Variants in DENND6A observed in about 807,000 individuals in gnomAD.
The protein encoded by DENND6A is DENN domain containing 6A.
DENND6A carries 43 observed loss-of-function variants against 95.5 expected under a neutral mutation model. That is an observed-to-expected ratio of 0.45 (90% CI 0.35 to 0.58). DENND6A has a LOEUF of 0.58. Ranked by LOEUF, DENND6A falls within the 20% of genes least tolerant of loss-of-function variation. The pLI, the probability that DENND6A is intolerant of heterozygous loss-of-function variation, is 0.00. For synonymous variants in DENND6A, 257 were observed against 260.4 expected, an observed-to-expected ratio of 0.99 and a Z score of 0.13; for missense variants, 574 against 736.0, an observed-to-expected ratio of 0.78 and a Z score of 2.55.
chr3:57,648,283 T>C (rs1014442735), intron 9 of DENND6A, among the ~76,000 whole-genome samples: 4 of 151,960 alleles, frequency 2.6e-5, no homozygotes, highest in African/African-American at 9.7e-5. Flanking sequence ...CTAAGGAATA[T>C]ACTTACTCAA....
intron 5 of DENND6A, 149 bp downstream of exon 5, chr3:57,663,487 A>AAT (rs1553742674): frequency 0.022 from 2,048 of 91,846 alleles, 119 homozygotes; most frequent in African/African-American, 0.077. Flanking sequence ...AAAAAAAAAA[A>AAT]ATATATATAT....
intron 1 of DENND6A, among the ~76,000 whole-genome samples, chr3:57,678,983 A>C (rs964884048): frequency 1.3e-5 from 2 of 152,236 alleles, no homozygotes; most frequent in African/African-American, 2.4e-5. Context: ...ACACACCTGT[A>C]ATCACAGCTA....
chr3:57,638,380 G>A (rs1283466676), intron 12 of DENND6A, among the ~76,000 whole-genome samples: 1 of 152,086 alleles, frequency 6.6e-6, no homozygotes, highest in African/African-American at 2.4e-5. Flanking sequence ...TAAACAGGCT[G>A]GGTGTGGTGG....
chr3:57,651,223 G>C (rs923890368), intron 9 of DENND6A, among the ~76,000 whole-genome samples: 7 of 152,170 alleles, frequency 4.6e-5, no homozygotes. Context: ...ACATATGACA[G>C]ACTTACCTCC....
At chr3:57,667,324 T>TA (rs905390918) in intron 3 of DENND6A, among the ~76,000 whole-genome samples, 6 of 151,840 alleles carry the variant, frequency 4.0e-5, no homozygotes, top group South Asian at 2.1e-4. Flanking sequence ...CTGGCCTTTT[T>TA]AAAAAAAATT....
At chr3:57,691,928 TA>T (rs34356945) in intron 1 of DENND6A, among the ~76,000 whole-genome samples, 3 of 150,400 alleles carry the variant, frequency 2.0e-5, no homozygotes, top group African/African-American at 7.3e-5. Flanking sequence ...AGAGGCAACA[TA>T]AAAAAAAATA....
intron 12 of DENND6A, among the ~76,000 whole-genome samples, chr3:57,637,297 A>G (rs942900187): frequency 5.3e-5 from 8 of 152,248 alleles, no homozygotes; most frequent in African/African-American, 1.9e-4. Flanking sequence ...TAGCTCTGTC[A>G]TAACTAGACA....
In DENND6A at chr3:57,625,480, T is replaced by G. The variant is rs554118800; in HGVS notation, c.*2734A>C. 2.0e-5 allele frequency: 3 copies of G among 152,734 alleles called. No homozygotes were observed. In the South Asian group the frequency reaches 6.2e-4, roughly 32 times the overall value. The allele number at this position is 152,734 out of a possible 1,614,324, so 9.5% of individuals were successfully genotyped here. The stretch of plus-strand genomic sequence containing the variant: ...GCTTTAAAATCCAAGGCCTTTAATT[T>G]AGTTTTTGGTAATGACCATAAATGC... On this transcript the variant is annotated 3_prime_UTR_variant, in exon 20 of 20. Transcript: ENST00000311128.
chr3:57,693,044 G>T lies in DENND6A; in HGVS notation c.-26C>A, dbSNP rs72874861. On this transcript the variant is annotated 5_prime_UTR_variant, in exon 1 of 20. Transcript: ENST00000311128. ...CGGCCGCCCCCTGACCGTTCGCGCC[G>T]CCTCCACAGCGGACCGCGCCGCAGA... 1.3e-3 allele frequency: 1,813 copies of T among 1,372,406 alleles called. 19 individuals are homozygous for T. The African/African-American group carries it at 0.023, about 18-fold the overall frequency. 85.0% of individuals were successfully genotyped at this position (1,372,406 alleles called of 1,614,324 possible).
At chr3:57,640,526 C>T (rs144726032) in intron 12 of DENND6A, among the ~76,000 whole-genome samples, 256 of 152,022 alleles carry the variant, frequency 1.7e-3, no homozygotes, top group African/African-American at 6.0e-3. Context: ...CTGGGAGAGC[C>T]GAGATAGTGC....
intron 9 of DENND6A, among the ~76,000 whole-genome samples, chr3:57,650,927 G>C (rs1018106600): frequency 6.6e-6 from 1 of 151,944 alleles, no homozygotes; most frequent in Non-Finnish European, 1.5e-5. Context: ...TGGGATTACA[G>C]GCATGTGCCA....
chr3:57,650,984 A>G (rs1301494284), intron 9 of DENND6A, among the ~76,000 whole-genome samples: 1 of 152,116 alleles, frequency 6.6e-6, no homozygotes, highest in Admixed American at 6.5e-5. Context: ...GGGTTTCTCC[A>G]TGCCAGTCAG....
At chr3:57,654,568 C>A in intron 9 of DENND6A, 2 of 914,578 alleles carry the variant, frequency 2.2e-6, no homozygotes, top group Non-Finnish European at 2.6e-6. Context: ...TAGCAAATAT[C>A]ATCAAGTAAA....
At chr3:57,632,720 A>G (rs1375431868) in intron 15 of DENND6A, among the ~76,000 whole-genome samples, 1 of 152,198 alleles carries the variant, frequency 6.6e-6, no homozygotes, top group Non-Finnish European at 1.5e-5. Flanking sequence ...CTATACTTTA[A>G]TATGACATCC....
intron 7 of DENND6A, 66 bp from the exon 8 acceptor site, chr3:57,659,246 G>T: frequency 6.5e-7 from 1 of 1,546,220 alleles, no homozygotes; most frequent in Non-Finnish European, 8.9e-7. Flanking sequence ...GCTGTATCCT[G>T]CTGCTAAAAA....
chr3:57,678,753 A>G (rs2077132088), intron 1 of DENND6A, among the ~76,000 whole-genome samples: 1 of 152,232 alleles, frequency 6.6e-6, no homozygotes, highest in Admixed American at 6.5e-5. Context: ...CAAAATTGGT[A>G]AGCAACTTCA....
intron 3 of DENND6A, among the ~76,000 whole-genome samples, chr3:57,671,062 A>G (rs577999150): frequency 1.3e-5 from 2 of 152,336 alleles, no homozygotes; most frequent in South Asian, 4.1e-4. Context: ...GGCAGTATCT[A>G]ATTTACCAAG....
chr3:57,641,600 A>G, intron 12 of DENND6A, 53 bp downstream of exon 12: 4 of 1,425,190 alleles, frequency 2.8e-6, no homozygotes, highest in Non-Finnish European at 3.8e-6. Flanking sequence ...AAAGAAAGAA[A>G]CCTGTTCAGC....
At chr3:57,681,740 A>C (rs2077168077) in intron 1 of DENND6A, among the ~76,000 whole-genome samples, 1 of 152,190 alleles carries the variant, frequency 6.6e-6, no homozygotes, top group Non-Finnish European at 1.5e-5. Flanking sequence ...TCAACCATAA[A>C]AAGGAATAAA....
Sources: allele counts gnomAD v4.1 joint callset (sites outside exome capture counted in the v4.1 genomes callset), GRCh38; gene constraint gnomAD v4.1.1; transcripts MANE v1.5; gene names NCBI Gene and HGNC (gene_info 2026-07-23, HGNC 2026-07-21).